The following SLCO1B3 variants were observed in gnomAD, a reference collection of about 807,000 sequenced individuals.
SLCO1B3 encodes the protein solute carrier organic anion transporter family member 1B3, also known as liver-specific organic anion transporter 2.
Under a neutral mutation model 71.8 loss-of-function variants are expected in SLCO1B3, and 72 were observed. The ratio of observed to expected loss-of-function variants is 1.00; its 90% confidence interval spans 0.83 to 1.22. The LOEUF is 1.22. Among genes scored for constraint, SLCO1B3 ranks in the 50% most tolerant of loss-of-function variants. The probability of loss-of-function intolerance (pLI) is 0.00; values close to 1 mark genes in which losing one functional copy is unlikely to be tolerated. For synonymous variants in SLCO1B3, 298 were observed against 278.4 expected (o/e 1.07, Z -0.70); for missense variants, 911 against 819.7 (o/e 1.11, Z -1.36).
At position 20,898,506 on chromosome 12, in the gene SLCO1B3, A is replaced by T. The variant is rs772558908; in HGVS notation, c.1747+6A>T. ...AATGGTTATAAGAACACTAGGTATG[A>T]CAAATATATAGATTATACATTTTAA... On this transcript the variant is annotated splice_donor_region_variant and intron_variant, in intron 14 of 15. Coordinates refer to ENST00000381545, the MANE Select transcript of SLCO1B3 (RefSeq NM_019844.4). 7.0e-7 allele frequency: 1 copy of T among 1,425,580 alleles called. No individual in the cohort carries two copies. The highest frequency in any genetic ancestry group is 2.3e-5 in the East Asian group (1 of 43,504). The allele number at this position is 1,425,580 out of a possible 1,614,324, so 88.3% of individuals were successfully genotyped here. A position where few individuals can be genotyped will look rare whatever the true frequency, so the allele number is the denominator to read the frequency against.
intron 3 of SLCO1B3, among the ~76,000 whole-genome samples, chr12:20,818,597 G>A (rs1220635454): frequency 2.0e-5 from 3 of 151,952 alleles, no homozygotes; most frequent in Middle Eastern, 3.2e-3. Context: ...TCCTTGAGGA[G>A]TAGCAGATGG....
At chr12:20,886,113 A>T (rs1380880048) in intron 13 of SLCO1B3, among the ~76,000 whole-genome samples, 13 of 152,100 alleles carry the variant, frequency 8.5e-5, no homozygotes. Flanking sequence ...TGTGACAAAG[A>T]TAATTTAAGG....
intron 15 of SLCO1B3, 50 bp from the exon 16 acceptor site, chr12:20,915,953 TA>T: frequency 7.0e-7 from 1 of 1,437,396 alleles, no homozygotes; most frequent in Non-Finnish European, 9.5e-7. Context: ...AAATGTAAGA[TA>T]TTTTACACAT....
chr12:20,866,701 T>A (rs1591769758), intron 8 of SLCO1B3, among the ~76,000 whole-genome samples: 1 of 146,912 alleles, frequency 6.8e-6, no homozygotes, highest in East Asian at 2.0e-4. Context: ...CCTGAGCAGG[T>A]TTTTAATCCG....
intron 13 of SLCO1B3, 81 bp from the exon 14 acceptor site, chr12:20,898,355 G>T: frequency 1.2e-6 from 1 of 851,072 alleles, no homozygotes; most frequent in South Asian, 1.4e-5. Flanking sequence ...GGAGAGGAAT[G>T]ATGCTGATAA....
At chr12:20,896,797 A>G (rs1364286473) in intron 13 of SLCO1B3, among the ~76,000 whole-genome samples, 1 of 152,202 alleles carries the variant, frequency 6.6e-6, no homozygotes, top group Non-Finnish European at 1.5e-5. Context: ...GCTGATAAAG[A>G]CATACCTGAG....
chr12:20,829,063 T>C (rs1329985249), intron 3 of SLCO1B3, among the ~76,000 whole-genome samples: 1 of 152,230 alleles, frequency 6.6e-6, no homozygotes, highest in Non-Finnish European at 1.5e-5. Context: ...AATTTGGAAC[T>C]TTTCTTTGGC....
intron 8 of SLCO1B3, among the ~76,000 whole-genome samples, chr12:20,871,475 A>G (rs931106225): frequency 6.6e-5 from 10 of 152,110 alleles, no homozygotes; most frequent in Admixed American, 6.6e-4. Flanking sequence ...TATGTTATTC[A>G]TCAGTGTCTG....
chr12:20,864,936 C>A (rs77041891), intron 8 of SLCO1B3, among the ~76,000 whole-genome samples: 1 of 152,074 alleles, frequency 6.6e-6, no homozygotes, highest in Non-Finnish European at 1.5e-5. Flanking sequence ...TCTCCCCATA[C>A]ACACTAAAAC....
intron 4 of SLCO1B3, among the ~76,000 whole-genome samples, chr12:20,856,972 T>C (rs1246372714): frequency 2.0e-5 from 3 of 152,178 alleles, no homozygotes; most frequent in African/African-American, 7.2e-5. Context: ...TTATTTTTTT[T>C]TAGGAAGAAT....
chr12:20,896,214 CAAA>C (rs200755336), intron 13 of SLCO1B3, among the ~76,000 whole-genome samples: 107,140 of 152,022 alleles, frequency 0.7, 39,979 homozygotes, highest in South Asian at 0.89. Context: ...ATTCAGCTTT[CAAA>C]TTTCAGGTAT....
intron 3 of SLCO1B3, among the ~76,000 whole-genome samples, chr12:20,834,257 T>C (rs552099178): frequency 7.0e-6 from 1 of 143,288 alleles, no homozygotes; most frequent in East Asian, 2.1e-4. Context: ...ATATATAACC[T>C]GTATACATAG....
chr12:20,884,235 C>G (rs939845025), intron 13 of SLCO1B3, among the ~76,000 whole-genome samples: 1 of 151,932 alleles, frequency 6.6e-6, no homozygotes, highest in Non-Finnish European at 1.5e-5. Flanking sequence ...AATGACAAGA[C>G]TGATGTGAGA....
At chr12:20,843,269 A>T (rs1319402948) in intron 3 of SLCO1B3, among the ~76,000 whole-genome samples, 4 of 152,124 alleles carry the variant, frequency 2.6e-5, no homozygotes, top group African/African-American at 7.2e-5. Context: ...TTACAAAATT[A>T]TCAAGTGTTT....
intron 13 of SLCO1B3, among the ~76,000 whole-genome samples, chr12:20,897,173 CAA>C (rs1045423270): frequency 1.2e-4 from 19 of 152,210 alleles, no homozygotes; most frequent in African/African-American, 4.6e-4. Context: ...GCTGTGCTAA[CAA>C]AGTGCTGCTG....
rs959445040 is a variant in SLCO1B3, at chr12:20,832,480, CA to C, written c.84+16664del. Reference sequence around the variant, plus strand: ...ATATTGTAATGAAAATCTTTAACAACAAAAAAGTAATGATTATTAAAAAAAA... The same window carrying C: ...ATATTGTAATGAAAATCTTTAACAACAAAAAGTAATGATTATTAAAAAAAA... On this transcript the variant is annotated intron_variant, in intron 3 of 15. Transcript: ENST00000381545. Among the ~76,000 whole-genome samples, 14 of 147,358 alleles carry C rather than the reference CA, an allele frequency of 9.5e-5. No homozygotes were observed. The East Asian group carries it at 2.5e-3, about 27-fold the overall frequency.
chr12:20,833,965 G>GT (rs1224916782), intron 3 of SLCO1B3, among the ~76,000 whole-genome samples: 1 of 136,070 alleles, frequency 7.3e-6, no homozygotes, highest in Non-Finnish European at 1.6e-5. Context: ...AGCTGTATAT[G>GT]TATATACATA....
At position 20,861,133 on chromosome 12, in the gene SLCO1B3, A is replaced by G. The variant is rs1177098418; in HGVS notation, c.476A>G (p.Glu159Gly). ...AATGGAACATCACCTGAGATAGTAG[A>G]AAAAGGTAAGAATTAATAGTGACAG... ...SFNGTSPEIVEKDCVKESGSH... is the reference protein window; with the variant it reads ...SFNGTSPEIVGKDCVKESGSH... The change falls in exon 6 of 16, where the codon GAA becomes GGA. Residue 159 changes from glutamate (E) to glycine (G), a missense_variant. Coordinates refer to ENST00000381545, the MANE Select transcript of SLCO1B3 (RefSeq NM_019844.4). 6.3e-7 allele frequency: 1 copy of G among 1,581,112 alleles called. No individual in the cohort carries two copies. The highest frequency in any genetic ancestry group is 1.4e-5 in the African/African-American group (1 of 73,206).
At chr12:20,849,102 A>AT (rs151217916) in intron 3 of SLCO1B3, among the ~76,000 whole-genome samples, 83 of 150,118 alleles carry the variant, frequency 5.5e-4, no homozygotes, top group African/African-American at 1.7e-3. Context: ...TTATGGTCAA[A>AT]TTTTTTTTTT....
Sources: allele counts gnomAD v4.1 joint callset (sites outside exome capture counted in the v4.1 genomes callset), GRCh38; gene constraint gnomAD v4.1.1; transcripts MANE v1.5; gene names NCBI Gene and HGNC (gene_info 2026-07-23, HGNC 2026-07-21).